The following PTPRR variants were observed in gnomAD, a reference collection of about 807,000 sequenced individuals.
PTPRR encodes the protein protein tyrosine phosphatase receptor type R.
In PTPRR, 38 loss-of-function variants were observed where a neutral mutation model predicts 77.2. The observed-to-expected ratio is 0.49, with a 90% CI of 0.38 to 0.65. The LOEUF (loss-of-function observed/expected upper bound fraction) is 0.65, where lower values mean the gene tolerates loss of function less well. Ranked by LOEUF, PTPRR falls within the 30% of genes least tolerant of loss-of-function variation. The pLI, the probability that PTPRR is intolerant of heterozygous loss-of-function variation, is 0.00. For synonymous variants in PTPRR, 299 were observed against 283.1 expected (o/e 1.06, Z -0.57); for missense variants, 744 against 799.2 (o/e 0.93, Z 0.83).
At chr12:70,861,036 G>C (rs1233041308) in intron 2 of PTPRR, among the ~76,000 whole-genome samples, 2 of 152,072 alleles carry the variant, frequency 1.3e-5, no homozygotes, top group African/African-American at 2.4e-5. Context: ...GGGATTTTTT[G>C]TTTGTGTTGA....
intron 2 of PTPRR, among the ~76,000 whole-genome samples, chr12:70,881,520 T>C (rs1012342251): frequency 1.3e-5 from 2 of 152,198 alleles, no homozygotes; most frequent in African/African-American, 2.4e-5. Flanking sequence ...TTGGAAGTTA[T>C]TTGCTGCTAA....
chr12:70,841,915 AT>A (rs1326086230), intron 2 of PTPRR, among the ~76,000 whole-genome samples: 4 of 152,162 alleles, frequency 2.6e-5, no homozygotes, highest in African/African-American at 9.7e-5. Context: ...AAGCCTTCCC[AT>A]TGTTATCTCC....
chr12:70,662,653 G>A, intron 10 of PTPRR, 48 bp from the exon 11 acceptor site: 4 of 1,096,750 alleles, frequency 3.6e-6, no homozygotes, highest in Non-Finnish European at 2.7e-6. Context: ...GCTTTTATTA[G>A]CCATGGAGTA....
At chr12:70,818,744 T>A (rs1312422171) in intron 2 of PTPRR, among the ~76,000 whole-genome samples, 1 of 152,052 alleles carries the variant, frequency 6.6e-6, no homozygotes, top group East Asian at 1.9e-4. Context: ...CAATCAATTT[T>A]AAGATATTTA....
chr12:70,765,187 C>T (rs868866094), intron 2 of PTPRR, among the ~76,000 whole-genome samples: 14 of 151,994 alleles, frequency 9.2e-5, no homozygotes, highest in Non-Finnish European at 1.3e-4. Context: ...GCACCGTGCA[C>T]GAGCCGAAGC....
chr12:70,846,488 G>A (rs982796664), intron 2 of PTPRR, among the ~76,000 whole-genome samples: 1 of 152,130 alleles, frequency 6.6e-6, no homozygotes, highest in Non-Finnish European at 1.5e-5. Flanking sequence ...AGCGTATATA[G>A]GCATTGCTAT....
chr12:70,781,280 T>C (rs1489853688), intron 2 of PTPRR, among the ~76,000 whole-genome samples: 3 of 152,186 alleles, frequency 2.0e-5, no homozygotes, highest in Non-Finnish European at 4.4e-5. Flanking sequence ...ATATCTATGC[T>C]TGTAGACAGG....
rs1213635039 is a variant in PTPRR, at chr12:70,892,873, C to T, written c.163G>A (p.Asp55Asn). The T allele has an allele frequency of 9.3e-6, 15 of 1,613,366 alleles. No homozygotes were observed. The highest frequency in any genetic ancestry group is 1.7e-5 in the Admixed American group (1 of 59,912). ...CTGTAGATTTTTTGTGGGGCTATAT[C>T]CAGGCTCTTCTCAATGTCTTGTGAA... is the stretch of plus-strand genomic sequence containing the variant. ...KHSQDIEKSLDIAPQKIYRHS... is the reference protein window; with the variant it reads ...KHSQDIEKSLNIAPQKIYRHS... Residue 55 changes from aspartate to asparagine, a missense_variant, in exon 2 of 14, where the codon GAT (aspartate) becomes AAT (asparagine). This residue lies in a region of PTPRR where 570 missense variants were observed against 573.2 expected (regional missense o/e 0.99). Coordinates refer to ENST00000283228, the MANE Select transcript of PTPRR (RefSeq NM_002849.4).
intron 1 of PTPRR, among the ~76,000 whole-genome samples, chr12:70,915,555 C>A (rs1893763036): frequency 6.6e-6 from 1 of 152,210 alleles, no homozygotes; most frequent in Non-Finnish European, 1.5e-5. Flanking sequence ...ATGTACAAGG[C>A]ATTTCACTGA....
At chr12:70,752,198 C>T (rs1333382138) in intron 5 of PTPRR, among the ~76,000 whole-genome samples, 1 of 152,196 alleles carries the variant, frequency 6.6e-6, no homozygotes, top group African/African-American at 2.4e-5. Context: ...CCTTTGCCCA[C>T]AGCACCAGCA....
chr12:70,647,018 T>A (rs547434611), intron 13 of PTPRR, among the ~76,000 whole-genome samples: 11 of 152,202 alleles, frequency 7.2e-5, no homozygotes, highest in African/African-American at 2.6e-4. Context: ...ATGATGCACA[T>A]TGGAAGCATC....
chr12:70,640,458 C>T (rs369018818), intron 13 of PTPRR, among the ~76,000 whole-genome samples: 114 of 152,242 alleles, frequency 7.5e-4, no homozygotes, highest in African/African-American at 2.2e-3. Context: ...GCTTGAACGA[C>T]GGTGTCCAGT....
chr12:70,722,360 T>C (rs1889288590), intron 6 of PTPRR, among the ~76,000 whole-genome samples: 1 of 152,236 alleles, frequency 6.6e-6, no homozygotes, highest in Non-Finnish European at 1.5e-5. Flanking sequence ...ATTTCTTGTA[T>C]GTTTCTCATG....
At chr12:70,889,582 G>C (rs898809127) in intron 2 of PTPRR, among the ~76,000 whole-genome samples, 1 of 152,142 alleles carries the variant, frequency 6.6e-6, no homozygotes, top group Non-Finnish European at 1.5e-5. Flanking sequence ...TGATCTGGGT[G>C]AGTGGTGAGC....
intron 2 of PTPRR, chr12:70,788,692 T>C: frequency 1.3e-6 from 1 of 746,618 alleles, no homozygotes; most frequent in Non-Finnish European, 2.3e-6. Context: ...ATCACATAAG[T>C]TCTATGCTGA....
intron 2 of PTPRR, among the ~76,000 whole-genome samples, chr12:70,883,068 C>T (rs564152154): frequency 6.6e-6 from 1 of 152,240 alleles, no homozygotes; most frequent in East Asian, 1.9e-4. Context: ...TAAGACCAGC[C>T]TGGCCAACAT....
chr12:70,717,692 C>T (rs573773493), intron 6 of PTPRR, among the ~76,000 whole-genome samples: 1 of 152,306 alleles, frequency 6.6e-6, no homozygotes, highest in Admixed American at 6.5e-5. Flanking sequence ...TACAGAATGC[C>T]TGGCTAACCT....
chr12:70,791,106 T>C (rs1891415144), intron 2 of PTPRR, among the ~76,000 whole-genome samples: 2 of 152,188 alleles, frequency 1.3e-5, no homozygotes, highest in Admixed American at 6.5e-5. Context: ...GAGTAATTTT[T>C]GAAACCATAA....
chr12:70,890,744 T>C (rs980024474), intron 2 of PTPRR, among the ~76,000 whole-genome samples: 7 of 152,138 alleles, frequency 4.6e-5, no homozygotes, highest in Non-Finnish European at 1.0e-4. Flanking sequence ...TTGATGTATA[T>C]GTTTTATACT....
Sources: allele counts gnomAD v4.1 joint callset (sites outside exome capture counted in the v4.1 genomes callset), GRCh38; gene constraint gnomAD v4.1.1; regional missense constraint gnomAD v4.1.1; transcripts MANE v1.5; gene names NCBI Gene and HGNC (gene_info 2026-07-23, HGNC 2026-07-21).